Variants in PTPRD observed in about 807,000 individuals in gnomAD.
PTPRD encodes the protein receptor-type tyrosine-protein phosphatase delta.
Under a neutral mutation model 214.5 loss-of-function variants are expected in PTPRD, and 34 were observed. The ratio of observed to expected loss-of-function variants is 0.16; its 90% CI spans 0.12 to 0.21. The LOEUF (loss-of-function observed/expected upper bound fraction) is 0.21, where lower values mean the gene tolerates loss of function less well. Ranked by LOEUF, PTPRD falls within the 10% of genes least tolerant of loss-of-function variation. The pLI is 1.00. For missense variants in PTPRD, 2,545 were observed against 2,398.7 expected, an observed-to-expected ratio of 1.06 and a Z score of -1.27; for synonymous variants, 1,128 against 845.7, an observed-to-expected ratio of 1.33 and a Z score of -5.79.
At chr9:10,065,380 C>G (rs541634114) in intron 3 of PTPRD, among the ~76,000 whole-genome samples, 212 of 151,960 alleles carry the variant, frequency 1.4e-3, no homozygotes, top group Middle Eastern at 3.4e-3. Context: ...AACAAAACAC[C>G]ATGCAGCTTT....
chr9:9,655,149 T>C (rs1289746963), intron 7 of PTPRD, among the ~76,000 whole-genome samples: 1 of 152,094 alleles, frequency 6.6e-6, no homozygotes, highest in Non-Finnish European at 1.5e-5. Flanking sequence ...AAAAACTATA[T>C]GATTAAGAGA....
intron 28 of PTPRD, 48 bp downstream of exon 28, chr9:8,485,714 G>C (rs753263972): frequency 6.8e-7 from 1 of 1,474,242 alleles, no homozygotes; most frequent in Non-Finnish European, 9.2e-7. Flanking sequence ...GATTTCCAAA[G>C]ACTGACAATC....
At chr9:10,221,104 T>C (rs1036852191) in intron 3 of PTPRD, among the ~76,000 whole-genome samples, 2 of 152,052 alleles carry the variant, frequency 1.3e-5, no homozygotes, top group Non-Finnish European at 2.9e-5. Context: ...AGAGAGTCCA[T>C]GCTCACTGGG....
rs2134475553 is a variant in PTPRD, at chr9:8,465,682, GA to G, written c.3505-8del. 1.3e-6 allele frequency: 2 copies of G among 1,588,078 alleles called. No homozygotes were observed. The highest frequency in any genetic ancestry group is 1.4e-5 in the African/African-American group (1 of 73,316). ...TAGATATCTCCTTAAGCAGCTTAAG[GA>G]AAAAAGTGGGAAACAGAAAAAGAAC... On this transcript the variant is annotated splice_polypyrimidine_tract_variant and splice_region_variant and intron_variant, in intron 31 of 45. Coordinates refer to ENST00000381196, the MANE Select transcript of PTPRD (RefSeq NM_002839.4).
chr9:10,239,118 T>A (rs987590126), intron 3 of PTPRD, among the ~76,000 whole-genome samples: 3 of 151,978 alleles, frequency 2.0e-5, no homozygotes, highest in Non-Finnish European at 4.4e-5. Flanking sequence ...ACATTTTAAG[T>A]TATAGACTAA....
intron 11 of PTPRD, among the ~76,000 whole-genome samples, chr9:8,913,678 C>G (rs1327977576): frequency 6.6e-6 from 1 of 152,096 alleles, no homozygotes; most frequent in African/African-American, 2.4e-5. Flanking sequence ...TACCCCATTC[C>G]CCATACTTTC....
intron 27 of PTPRD, among the ~76,000 whole-genome samples, chr9:8,486,994 T>TA (rs143445268): frequency 0.17 from 26,371 of 151,622 alleles, 2,835 homozygotes; most frequent in East Asian, 0.27. Flanking sequence ...CTTAAAAGTT[T>TA]AAAAAAAAAC....
At chr9:9,527,566 T>C (rs770395081) in intron 8 of PTPRD, among the ~76,000 whole-genome samples, 2 of 152,220 alleles carry the variant, frequency 1.3e-5, no homozygotes, top group Non-Finnish European at 2.9e-5. Context: ...ATTATCAGGA[T>C]GACTCCAAAT....
chr9:8,344,821 T>C (rs1049676469), intron 39 of PTPRD, among the ~76,000 whole-genome samples: 1 of 151,954 alleles, frequency 6.6e-6, no homozygotes, highest in Non-Finnish European at 1.5e-5. Flanking sequence ...TCTTAAATGA[T>C]AGTGACAGTT....
intron 3 of PTPRD, among the ~76,000 whole-genome samples, chr9:10,311,916 C>T (rs139963466): frequency 6.6e-6 from 1 of 152,030 alleles, no homozygotes; most frequent in Non-Finnish European, 1.5e-5. Flanking sequence ...TGTCATAGAG[C>T]TTTATTTACC....
chr9:9,309,045 T>G (rs904228742), intron 9 of PTPRD, among the ~76,000 whole-genome samples: 3 of 152,090 alleles, frequency 2.0e-5, no homozygotes, highest in Admixed American at 6.6e-5. Context: ...TTTTAGGCAT[T>G]TATTTTTCTT....
chr9:10,158,090 C>A (rs1592700088), intron 3 of PTPRD, among the ~76,000 whole-genome samples: 1 of 152,090 alleles, frequency 6.6e-6, no homozygotes, highest in South Asian at 2.1e-4. Context: ...CTCACTACAA[C>A]CTCCTCCTCC....
intron 12 of PTPRD, among the ~76,000 whole-genome samples, chr9:8,662,640 A>G (rs1300777100): frequency 1.3e-5 from 2 of 152,174 alleles, no homozygotes; most frequent in African/African-American, 4.8e-5. Flanking sequence ...CCAGTAGCAT[A>G]GACTCACCAA....
intron 4 of PTPRD, among the ~76,000 whole-genome samples, chr9:9,947,375 T>A (rs1427875240): frequency 9.5e-5 from 5 of 52,508 alleles, no homozygotes; most frequent in Non-Finnish European, 1.6e-4. Context: ...ATATATATAT[T>A]ATATATATTT....
At chr9:8,940,429 C>T (rs2099025616) in intron 11 of PTPRD, among the ~76,000 whole-genome samples, 1 of 145,164 alleles carries the variant, frequency 6.9e-6, no homozygotes, top group Non-Finnish European at 1.5e-5. Context: ...ATTACAGGCT[C>T]CTATCACCAC....
At chr9:9,357,215 T>G (rs2054140402) in intron 9 of PTPRD, among the ~76,000 whole-genome samples, 1 of 151,350 alleles carries the variant, frequency 6.6e-6, no homozygotes, top group Non-Finnish European at 1.5e-5. Context: ...CTGTGAGAAT[T>G]TATGGGTGTC....
intron 4 of PTPRD, among the ~76,000 whole-genome samples, chr9:10,028,704 G>A (rs577580293): frequency 1.3e-5 from 2 of 152,278 alleles, no homozygotes; most frequent in South Asian, 4.1e-4. Flanking sequence ...CTATCTGGCG[G>A]AAGAAATTTC....
At chr9:8,916,746 C>T (rs938184058) in intron 11 of PTPRD, among the ~76,000 whole-genome samples, 3 of 152,138 alleles carry the variant, frequency 2.0e-5, no homozygotes, top group Non-Finnish European at 2.9e-5. Flanking sequence ...ACATCATTCC[C>T]TCTAGAAAAC....
chr9:10,301,272 A>T (rs1055942807), intron 3 of PTPRD, among the ~76,000 whole-genome samples: 2 of 152,186 alleles, frequency 1.3e-5, no homozygotes, highest in African/African-American at 2.4e-5. Context: ...GGTCACCAAC[A>T]TCAAAGACCA....
Sources: gnomAD v4.1 joint callset for allele counts (sites outside exome capture counted in the v4.1 genomes callset) on GRCh38, gnomAD v4.1.1 for gene constraint, MANE v1.5 for transcripts, NCBI Gene and HGNC (gene_info 2026-07-23, HGNC 2026-07-21) for gene names.